CACNA2D2: variants seen among roughly 807,000 people sequenced by gnomAD.
CACNA2D2 encodes calcium voltage-gated channel auxiliary subunit alpha2delta 2.
In CACNA2D2, 48 loss-of-function variants were observed where a neutral mutation model predicts 166.4. The ratio of observed to expected loss-of-function variants is 0.29; its 90% CI spans 0.23 to 0.37. The LOEUF (loss-of-function observed/expected upper bound fraction) is 0.37, where lower values mean the gene tolerates loss of function less well. Among genes scored for constraint, CACNA2D2 ranks in the 10% least tolerant of loss-of-function variants. CACNA2D2 has a pLI of 1.00. For synonymous variants in CACNA2D2, 561 were observed against 573.7 expected (o/e 0.98, Z 0.32); for missense variants, 1,122 against 1,433.0 (o/e 0.78, Z 3.50).
intron 1 of CACNA2D2, among the ~76,000 whole-genome samples, chr3:50,489,032 T>C (rs1006470542): frequency 7.9e-5 from 12 of 152,170 alleles, no homozygotes; most frequent in African/African-American, 2.7e-4. Context: ...ATATTGTCAC[T>C]AGAACATCAT....
Position 50,488,192 on chromosome 3 carries a change from G to A in CACNA2D2, c.207-11993C>T, listed in dbSNP as rs1022424327. ...CTCCACACACAGTGATGCCCCGTGA[G>A]CACCCACAGACCGACCGTGGGCACC... On this transcript the variant is annotated intron_variant, in intron 1 of 37. Coordinates refer to ENST00000424201, the MANE Select transcript of CACNA2D2 (RefSeq NM_006030.4). Among the ~76,000 whole-genome samples the A allele has an allele frequency of 3.9e-5, 6 of 152,184 alleles. No homozygotes were observed. In the East Asian group the frequency reaches 7.7e-4, roughly 20 times the overall value.
At chr3:50,503,166 G>A (rs1275715289) in intron 1 of CACNA2D2, 52 bp downstream of exon 1, 5 of 1,094,332 alleles carry the variant, frequency 4.6e-6, no homozygotes, top group Middle Eastern at 3.7e-4. Context: ...ACCGGGGGCA[G>A]AGCGGGGCGC....
chr3:50,494,104 AGG>A (rs903647583), intron 1 of CACNA2D2, among the ~76,000 whole-genome samples: 2 of 152,158 alleles, frequency 1.3e-5, no homozygotes, highest in African/African-American at 4.8e-5. Context: ...GGGGGGTCCA[AGG>A]AGAGATACAA....
chr3:50,467,703 AG>A, intron 2 of CACNA2D2, among the ~76,000 whole-genome samples: 1 of 152,256 alleles, frequency 6.6e-6, no homozygotes, highest in South Asian at 2.1e-4. Flanking sequence ...ATAGACAAGG[AG>A]GGGGTGTGCC....
intron 22 of CACNA2D2, among the ~76,000 whole-genome samples, chr3:50,371,012 T>C (rs955072034): frequency 6.6e-6 from 1 of 151,946 alleles, no homozygotes; most frequent in African/African-American, 2.4e-5. Flanking sequence ...CAGCTGAGGG[T>C]TCACTGCAGT....
chr3:50,370,223 G>A (rs1182941052), intron 23 of CACNA2D2, 97 bp downstream of exon 23: 8 of 841,082 alleles, frequency 9.5e-6, no homozygotes, highest in Non-Finnish European at 1.6e-5. Flanking sequence ...CACTGCACAG[G>A]ACACAGACAC....
intron 3 of CACNA2D2, among the ~76,000 whole-genome samples, chr3:50,414,895 C>T (rs931185420): frequency 4.6e-5 from 7 of 152,338 alleles, no homozygotes; most frequent in Middle Eastern, 3.4e-3. Context: ...GAGGCTCAGG[C>T]GCACAGTGAT....
Position 50,462,770 on chromosome 3 carries a change from G to A in CACNA2D2, c.288+13348C>T, listed in dbSNP as rs76312831. 9.7e-3 allele frequency among the ~76,000 whole-genome samples: 1,480 copies of A among 152,218 alleles called. 14 individuals are homozygous for A. Among genetic ancestry groups the A allele is most frequent in the Non-Finnish European group, 0.014 (981 of 68,022 alleles). On this transcript the variant is annotated intron_variant, in intron 2 of 37. Transcript: ENST00000424201. ...TCTGGGGAGCTGGAAATGGAGAGGA[G>A]GGGGCTGCTGTGCTCCTAACACAAC...
intron 2 of CACNA2D2, among the ~76,000 whole-genome samples, chr3:50,439,704 C>T (rs537539477): frequency 1.2e-4 from 18 of 152,366 alleles, no homozygotes; most frequent in African/African-American, 4.3e-4. Flanking sequence ...GAGGGAACCA[C>T]CTCAAGAGGC....
upstream of CACNA2D2, chr3:50,504,149 ACCT>A (rs1382774334): frequency 2.6e-5 from 4 of 152,156 alleles, no homozygotes; most frequent in African/African-American, 9.7e-5. Flanking sequence ...AAGGGCCTGG[ACCT>A]CCTGGTTCCC....
intron 2 of CACNA2D2, among the ~76,000 whole-genome samples, chr3:50,454,800 C>T (rs1709275046): frequency 2.0e-5 from 3 of 152,120 alleles, no homozygotes; most frequent in Non-Finnish European, 2.9e-5. Flanking sequence ...CTGCCTGGGC[C>T]AGCCTCTGCA....
At chr3:50,395,535 T>TC (rs1706107460) in intron 3 of CACNA2D2, among the ~76,000 whole-genome samples, 1 of 152,034 alleles carries the variant, frequency 6.6e-6, no homozygotes, top group South Asian at 2.1e-4. Context: ...ACTCAGAAGG[T>TC]CCCGCCTCTT....
intron 1 of CACNA2D2, among the ~76,000 whole-genome samples, chr3:50,490,410 C>T (rs937028853): frequency 2.6e-5 from 4 of 152,192 alleles, no homozygotes; most frequent in Non-Finnish European, 4.4e-5. Context: ...GAAGAGGGGG[C>T]TCTAGAAAAC....
intron 2 of CACNA2D2, among the ~76,000 whole-genome samples, chr3:50,438,489 C>T (rs2106909306): frequency 6.6e-6 from 1 of 152,332 alleles, no homozygotes; most frequent in Non-Finnish European, 1.5e-5. Flanking sequence ...TCCTGCTTCC[C>T]CCATGGCTCC....
rs1022081872 is a variant in CACNA2D2, at chr3:50,380,435, C to T, written c.842+313G>A. Among the ~76,000 whole-genome samples the T allele has an allele frequency of 2.0e-5, 3 of 152,090 alleles. No individual in the cohort carries two copies. The highest frequency in any genetic ancestry group is 1.3e-4 in the Admixed American group (2 of 15,272). ...AGGGGAGGGATATCTGGGGCTCAGA[C>T]GGGTGGGGCAGGGACTGGCCAACCC... On this transcript the variant is annotated intron_variant, in intron 8 of 37. Coordinates refer to ENST00000424201, the MANE Select transcript of CACNA2D2 (RefSeq NM_006030.4). This position sits in a 1 kb window ranked among gnomAD's most constrained non-coding sequence, Gnocchi z 4.9.
chr3:50,395,518 C>T (rs970176390), intron 3 of CACNA2D2, among the ~76,000 whole-genome samples: 3 of 152,198 alleles, frequency 2.0e-5, no homozygotes, highest in Admixed American at 1.3e-4. Context: ...TCCGGGCTTA[C>T]AGCCCTACTC....
At chr3:50,390,293 C>A (rs1015954976) in intron 4 of CACNA2D2, among the ~76,000 whole-genome samples, 2 of 152,114 alleles carry the variant, frequency 1.3e-5, no homozygotes, top group African/African-American at 2.4e-5. Context: ...GGGTCACCCG[C>A]GAGGAGGCAA....
rs1442066914 is a variant in CACNA2D2, at chr3:50,364,699, A to G, written c.3399T>C (p.Pro1133=). 6.5e-7 allele frequency: 1 copy of G among 1,543,710 alleles called. No homozygotes were observed. Among genetic ancestry groups the G allele is most frequent in the Admixed American group, 2.0e-5 (1 of 49,864 alleles). Reference sequence around the variant, plus strand: ...GGCGAGAGGCGTGGACGAGGACTTGAGGCTGCGGCCGGGGCGGCAGGCCCA... The same window carrying G: ...GGCGAGAGGCGTGGACGAGGACTTGGGGCTGCGGCCGGGGCGGCAGGCCCA... ...LLLGLPPRPQ[P]QVLVHASRRL is the part of the protein sequence containing the mutation. Residue 1133 remains proline (P), a synonymous_variant, in exon 38 of 38, where the codon CCT becomes CCC. Transcript: ENST00000424201.
At chr3:50,398,988 G>T (rs1299125499) in intron 3 of CACNA2D2, among the ~76,000 whole-genome samples, 1 of 152,244 alleles carries the variant, frequency 6.6e-6, no homozygotes, top group Non-Finnish European at 1.5e-5. Flanking sequence ...ATTGCAGTGG[G>T]AGCTGAGGCA....
Sources: gnomAD v4.1 joint callset for allele counts (sites outside exome capture counted in the v4.1 genomes callset) on GRCh38, gnomAD v4.1.1 for gene constraint, Gnocchi (gnomAD v3.1) non-coding constraint, MANE v1.5 for transcripts, NCBI Gene and HGNC (gene_info 2026-07-23, HGNC 2026-07-21) for gene names.